The following LGSN variants were observed in gnomAD, a reference collection of about 807,000 sequenced individuals.
LGSN encodes the protein lengsin.
LGSN carries 21 observed loss-of-function variants against 19.5 expected under a neutral mutation model. The ratio of observed to expected loss-of-function variants is 1.07; its 90% CI spans 0.76 to 1.55. The LOEUF is 1.55. Among genes scored for constraint, LGSN ranks in the 40% most tolerant of loss-of-function variants. The probability of loss-of-function intolerance (pLI) is 0.00; values close to 1 mark genes in which losing one functional copy is unlikely to be tolerated. For missense variants in LGSN, 673 were observed against 608.5 expected (o/e 1.11, Z -1.12); for synonymous variants, 257 against 215.6 (o/e 1.19, Z -1.68).
the LGSN span, among the ~76,000 whole-genome samples, chr6:63,490,940 G>A: frequency 1.3e-5 from 2 of 152,092 alleles, no homozygotes; most frequent in African/African-American, 2.4e-5. Context: ...CACTCAAGAA[G>A]AGACAGTGAA....
At position 63,299,927 on chromosome 6, in the gene LGSN, G is replaced by T. The variant is rs7758304; in HGVS notation, c.31-4882C>A. On this transcript the variant is annotated intron_variant, in intron 1 of 3. Coordinates refer to ENST00000370657, the MANE Select transcript of LGSN (RefSeq NM_016571.3). ...TGCTGCTTCTGTCAAATTTTGATAC[G>T]TGCTTGATTGTCTGTAAGCTGACAC... Among the ~76,000 whole-genome samples the T allele has an allele frequency of 3.9e-5, 6 of 152,192 alleles. No individual in the cohort carries two copies. The South Asian group carries it at 1.0e-3, about 26-fold the overall frequency.
At chr6:63,434,788 G>A in the LGSN span, among the ~76,000 whole-genome samples, 2 of 152,010 alleles carry the variant, frequency 1.3e-5, no homozygotes, top group African/African-American at 2.4e-5. Flanking sequence ...GAAACCAGAG[G>A]GGAAGACAGC....
chr6:63,500,782 C>G, the LGSN span, among the ~76,000 whole-genome samples: 2 of 151,414 alleles, frequency 1.3e-5, no homozygotes, highest in Non-Finnish European at 2.9e-5. Context: ...GGCTGGAGTG[C>G]AGTGATGCAA....
the LGSN span, among the ~76,000 whole-genome samples, chr6:63,411,637 T>G: frequency 1.3e-5 from 2 of 152,150 alleles, no homozygotes; most frequent in African/African-American, 2.4e-5. Context: ...CCCAGGAGTT[T>G]GAGCTAACCA....
the LGSN span, among the ~76,000 whole-genome samples, chr6:63,494,040 C>T: frequency 6.6e-6 from 1 of 150,670 alleles, no homozygotes; most frequent in Non-Finnish European, 1.5e-5. Context: ...ACCTCTGCCT[C>T]CCGGGTTCAA....
chr6:63,540,807 A>T, the LGSN span, among the ~76,000 whole-genome samples: 2 of 151,424 alleles, frequency 1.3e-5, no homozygotes, highest in Admixed American at 1.3e-4. Flanking sequence ...CTCTACTAGG[A>T]CCAAAATGGT....
chr6:63,446,570 C>A, the LGSN span, among the ~76,000 whole-genome samples: 1 of 152,064 alleles, frequency 6.6e-6, no homozygotes, highest in South Asian at 2.1e-4. Context: ...TAGTATGCAC[C>A]CAATACAATG....
the LGSN span, among the ~76,000 whole-genome samples, chr6:63,376,635 A>T: frequency 6.6e-6 from 1 of 152,186 alleles, no homozygotes; most frequent in South Asian, 2.1e-4. Flanking sequence ...TTTTTTAATT[A>T]TCTGACTGCC....
chr6:63,566,978 A>G, the LGSN span, among the ~76,000 whole-genome samples: 1 of 152,200 alleles, frequency 6.6e-6, no homozygotes, highest in Non-Finnish European at 1.5e-5. Flanking sequence ...TCTCCTTCAT[A>G]AGAAGCAACT....
At chr6:63,334,639 C>A in the LGSN span, among the ~76,000 whole-genome samples, 2 of 152,184 alleles carry the variant, frequency 1.3e-5, no homozygotes, top group Non-Finnish European at 2.9e-5. Context: ...TGAAAATGAG[C>A]CCAAATAGCC....
At chr6:63,555,296 G>A in the LGSN span, among the ~76,000 whole-genome samples, 1 of 152,180 alleles carries the variant, frequency 6.6e-6, no homozygotes, top group Non-Finnish European at 1.5e-5. Flanking sequence ...TTTTTAGAAT[G>A]AAACAAGGAA....
At chr6:63,287,348 C>T (rs1767580005) in intron 2 of LGSN, among the ~76,000 whole-genome samples, 1 of 152,160 alleles carries the variant, frequency 6.6e-6, no homozygotes, top group South Asian at 2.1e-4. Flanking sequence ...ATTGGGTGTT[C>T]AGCCCAAGAT....
At chr6:63,347,032 T>G in the LGSN span, among the ~76,000 whole-genome samples, 1 of 152,152 alleles carries the variant, frequency 6.6e-6, no homozygotes, top group Non-Finnish European at 1.5e-5. Flanking sequence ...CCACCAAAAG[T>G]TGCCTCATTA....
chr6:63,548,640 T>G, the LGSN span: 2 of 409,878 alleles, frequency 4.9e-6, no homozygotes, highest in Non-Finnish European at 9.0e-6. Flanking sequence ...CAACCCTGAT[T>G]TAATTTTTCA....
chr6:63,332,041 T>C, the LGSN span, among the ~76,000 whole-genome samples: 448 of 152,244 alleles, frequency 2.9e-3, 3 homozygotes, highest in African/African-American at 0.01. Flanking sequence ...CTCACTTATA[T>C]GAATAGGAAG....
chr6:63,403,966 CTCTCTT>C, the LGSN span, among the ~76,000 whole-genome samples: 1 of 147,112 alleles, frequency 6.8e-6, no homozygotes, highest in African/African-American at 2.7e-5. Flanking sequence ...CTCTCTCTCT[CTCTCTT>C]TCTCTCTCCA....
the LGSN span, among the ~76,000 whole-genome samples, chr6:63,555,692 CTTTTTT>C: frequency 7.4e-6 from 1 of 135,008 alleles, no homozygotes; most frequent in Non-Finnish European, 1.6e-5. Context: ...CAATTACACT[CTTTTTT>C]TTTTTTTTTT....
the LGSN span, among the ~76,000 whole-genome samples, chr6:63,508,788 G>A: frequency 4.0e-5 from 6 of 151,608 alleles, no homozygotes; most frequent in South Asian, 6.3e-4. Flanking sequence ...GCGTGGTGGT[G>A]CATGCCTGTA....
Position 63,285,614 on chromosome 6 carries a change from A to G in LGSN, c.303T>C (p.Ser101=). 6.2e-7 allele frequency: 1 copy of G among 1,614,172 alleles called. No individual in the cohort carries two copies. Among genetic ancestry groups the G allele is most frequent in the Non-Finnish European group, 8.5e-7 (1 of 1,179,992 alleles). The change falls in exon 3 of 4, where the codon TCT becomes TCC. Residue 101 remains serine, a synonymous_variant. Coordinates refer to ENST00000370657, the MANE Select transcript of LGSN (RefSeq NM_016571.3). Reference sequence around the variant, plus strand: ...GAAAAAAGTGTGCAGGGATAGTCTTAGACCTGGACACGCCGTGGAGGTCTG... The same window carrying G: ...GAAAAAAGTGTGCAGGGATAGTCTTGGACCTGGACACGCCGTGGAGGTCTG... The part of the protein sequence containing the change: ...EATDLHGVSR[S]KTIPAHFFQE...
Sources: allele counts gnomAD v4.1 joint callset (sites outside exome capture counted in the v4.1 genomes callset), GRCh38; gene constraint gnomAD v4.1.1; transcripts MANE v1.5; gene names NCBI Gene and HGNC (gene_info 2026-07-23, HGNC 2026-07-21).